NEO1: variants seen among roughly 807,000 people sequenced by gnomAD.
NEO1 encodes the protein neogenin.
Under a neutral mutation model 159.7 loss-of-function variants are expected in NEO1, and 63 were observed. The ratio of observed to expected loss-of-function variants is 0.39; its 90% confidence interval spans 0.32 to 0.49. The LOEUF (loss-of-function observed/expected upper bound fraction) is 0.49. NEO1 is among the 20% of genes least tolerant of loss of function. The pLI is 0.85. For synonymous variants in NEO1, 633 were observed against 662.0 expected (o/e 0.96, Z 0.67); for missense variants, 1,615 against 1,831.0 (o/e 0.88, Z 2.15).
rs1392436238 is a variant in NEO1 at position 73,157,829 on chromosome 15, T to G, written c.1016-18574T>G. 5.5e-5 allele frequency among the ~76,000 whole-genome samples: 8 copies of G among 145,214 alleles called. No homozygotes were observed. The Admixed American group carries it at 5.7e-4, about 10-fold the overall frequency. On this transcript the variant is annotated intron_variant, in intron 5 of 28. Coordinates refer to ENST00000261908, the MANE Select transcript of NEO1 (RefSeq NM_002499.4). ...AGATCTTATCCTAACTCTGTTTTAT[T>G]GAAAACTTTAACAATTCCTACATCA...
chr15:73,224,061 C>T (rs932694720), intron 7 of NEO1, among the ~76,000 whole-genome samples: 9 of 152,244 alleles, frequency 5.9e-5, no homozygotes, highest in African/African-American at 2.2e-4. Context: ...ATATGTGATG[C>T]TTAGTTTCAC....
At chr15:73,200,504 A>G (rs1419181262) in intron 7 of NEO1, among the ~76,000 whole-genome samples, 1 of 150,348 alleles carries the variant, frequency 6.7e-6, no homozygotes, top group East Asian at 2.0e-4. Context: ...AAGGAAAGGG[A>G]AAAGGGAAAG....
intron 21 of NEO1, among the ~76,000 whole-genome samples, chr15:73,276,332 TAATCC>T (rs1343915152): frequency 6.6e-6 from 1 of 152,254 alleles, no homozygotes; most frequent in African/African-American, 2.4e-5. Flanking sequence ...ATTAGGTACA[TAATCC>T]AATGCTCTGG....
chr15:73,287,073 A>T (rs931823852), intron 23 of NEO1, among the ~76,000 whole-genome samples: 1 of 152,330 alleles, frequency 6.6e-6, no homozygotes. Context: ...GCATTGCCCT[A>T]AAAGCTCTTT....
intron 26 of NEO1, among the ~76,000 whole-genome samples, chr15:73,298,095 G>A (rs2042450275): frequency 6.6e-6 from 1 of 152,188 alleles, no homozygotes; most frequent in South Asian, 2.1e-4. Context: ...TAAATAATGA[G>A]GAGAACTTTA....
intron 3 of NEO1, 40 bp downstream of exon 3, chr15:73,122,840 G>A: frequency 6.2e-7 from 1 of 1,601,430 alleles, no homozygotes; most frequent in South Asian, 1.1e-5. Flanking sequence ...TTATGTTTAT[G>A]AATGGGTAAA....
chr15:73,160,699 T>C (rs545449149), intron 5 of NEO1, among the ~76,000 whole-genome samples: 2 of 152,282 alleles, frequency 1.3e-5, no homozygotes, highest in Admixed American at 6.5e-5. Flanking sequence ...TTAAACAGCA[T>C]AGGGCAAGGT....
At chr15:73,177,578 G>A (rs989421629) in intron 6 of NEO1, among the ~76,000 whole-genome samples, 2 of 151,906 alleles carry the variant, frequency 1.3e-5, no homozygotes, top group African/African-American at 4.8e-5. Context: ...ACAGGGTCTC[G>A]CTGTGTCACC....
chr15:73,174,792 C>T lies in NEO1; in HGVS notation c.1016-1611C>T, dbSNP rs191741176. On this transcript the variant is annotated intron_variant, in intron 5 of 28. Transcript: ENST00000261908. ...GGAAAAACGGCAGCATATTTATATA[C>T]ATAATTCACAAAAGAATAAATACAA... Among the ~76,000 whole-genome samples the T allele has an allele frequency of 6.2e-4, 95 of 152,244 alleles. No individual in the cohort carries two copies. In the Middle Eastern group the frequency reaches 0.01, roughly 16 times the overall value.
intron 10 of NEO1, 67 bp from the exon 11 acceptor site, chr15:73,249,516 A>C: frequency 6.8e-7 from 1 of 1,463,088 alleles, no homozygotes; most frequent in Non-Finnish European, 9.1e-7. Flanking sequence ...TGTGTAGCTA[A>C]TTCTTTAATT....
intron 22 of NEO1, among the ~76,000 whole-genome samples, chr15:73,280,577 TTAA>T (rs1400938273): frequency 6.6e-6 from 1 of 152,194 alleles, no homozygotes; most frequent in Non-Finnish European, 1.5e-5. Flanking sequence ...AGCACTGCTA[TTAA>T]TAACAGTGTT....
At chr15:73,297,585 G>C (rs778643138) in intron 26 of NEO1, among the ~76,000 whole-genome samples, 1 of 152,178 alleles carries the variant, frequency 6.6e-6, no homozygotes, top group African/African-American at 2.4e-5. Context: ...TTGGAGTCCA[G>C]GTCTGTCTGA....
intron 7 of NEO1, among the ~76,000 whole-genome samples, chr15:73,204,397 C>T (rs2037094749): frequency 6.6e-6 from 1 of 152,036 alleles, no homozygotes; most frequent in South Asian, 2.1e-4. Flanking sequence ...GCTTTATTCT[C>T]TCTTCTCTGA....
intron 1 of NEO1, among the ~76,000 whole-genome samples, chr15:73,113,942 A>G (rs1048325330): frequency 6.6e-6 from 1 of 152,148 alleles, no homozygotes; most frequent in African/African-American, 2.4e-5. Context: ...GACCTATGGA[A>G]TTCTTGAAAG....
intron 13 of NEO1, among the ~76,000 whole-genome samples, chr15:73,258,526 A>G (rs1396753057): frequency 3.3e-5 from 5 of 152,106 alleles, no homozygotes; most frequent in African/African-American, 9.7e-5. Flanking sequence ...ATCTCCTGGG[A>G]GCTTCAGTCA....
At chr15:73,189,010 G>T (rs547647513) in intron 7 of NEO1, among the ~76,000 whole-genome samples, 1 of 152,206 alleles carries the variant, frequency 6.6e-6, no homozygotes, top group East Asian at 1.9e-4. Context: ...GAGATGGGAG[G>T]ATTGCTTGAG....
chr15:73,091,295 G>A (rs967661452), intron 1 of NEO1, among the ~76,000 whole-genome samples: 1 of 152,176 alleles, frequency 6.6e-6, no homozygotes, highest in African/African-American at 2.4e-5. Flanking sequence ...CACATATGCA[G>A]TTATGGTCTA....
chr15:73,143,919 C>A (rs1359012653), intron 5 of NEO1, among the ~76,000 whole-genome samples: 3 of 152,138 alleles, frequency 2.0e-5, no homozygotes, highest in African/African-American at 7.2e-5. Flanking sequence ...ATGTCCTCTT[C>A]AACTCCTACT....
At chr15:73,248,442 A>G (rs1188618109) in intron 9 of NEO1, among the ~76,000 whole-genome samples, 3 of 152,202 alleles carry the variant, frequency 2.0e-5, no homozygotes, top group Non-Finnish European at 4.4e-5. Flanking sequence ...ACCAAGCTGA[A>G]CCACTTAACA....
Sources: allele counts gnomAD v4.1 joint callset (sites outside exome capture counted in the v4.1 genomes callset), GRCh38; gene constraint gnomAD v4.1.1; transcripts MANE v1.5; gene names NCBI Gene and HGNC (gene_info 2026-07-23, HGNC 2026-07-21).